Variants in CCDC152 observed in about 807,000 individuals in gnomAD.
The protein encoded by CCDC152 is coiled-coil domain-containing protein 152.
CCDC152 carries 37 observed loss-of-function variants against 38.1 expected under a neutral mutation model. The observed-to-expected ratio is 0.97, with a 90% CI of 0.75 to 1.28. CCDC152 has a LOEUF of 1.28. Among genes scored for constraint, CCDC152 ranks in the 50% most tolerant of loss-of-function variants. The pLI, the probability that CCDC152 is intolerant of heterozygous loss-of-function variation, is 0.00. For synonymous variants in CCDC152, 83 were observed against 87.1 expected (o/e 0.95, Z 0.26); for missense variants, 259 against 292.1 (o/e 0.89, Z 0.83).
chr5:42,801,012 AAT>A lies in CCDC152; in HGVS notation c.*1232_*1233del. On this transcript the variant is annotated 3_prime_UTR_variant, in exon 9 of 9. Coordinates refer to ENST00000361970, the MANE Select transcript of CCDC152 (RefSeq NM_001134848.2). The stretch of plus-strand genomic sequence containing the variant: ...TGAATCTGTGGGCAATTTACAGAGT[AAT>A]TGATTTATACATCTCTTTCGACAGA... 6.2e-7 allele frequency: 1 copy of A among 1,614,156 alleles called. No individual in the cohort carries two copies. Among genetic ancestry groups the A allele is most frequent in the South Asian group, 1.1e-5 (1 of 91,082 alleles).
At chr5:42,779,610 T>C (rs566075086) in intron 5 of CCDC152, 88 bp downstream of exon 5, 2 of 742,216 alleles carry the variant, frequency 2.7e-6, no homozygotes, top group East Asian at 5.6e-5. Flanking sequence ...TTTAAATTAA[T>C]AAACACAGCC....
chr5:42,781,361 C>A (rs1477548700), intron 5 of CCDC152, among the ~76,000 whole-genome samples: 2 of 152,036 alleles, frequency 1.3e-5, no homozygotes, highest in Admixed American at 6.6e-5. Flanking sequence ...AGTTGCCTGG[C>A]AGGATAAGTA....
At chr5:42,767,737 T>C (rs767240317) in intron 3 of CCDC152, among the ~76,000 whole-genome samples, 4 of 152,216 alleles carry the variant, frequency 2.6e-5, no homozygotes, top group Non-Finnish European at 5.9e-5. Flanking sequence ...TTTTGAAACA[T>C]TCAGTTGCAG....
rs1759877094 is a variant in CCDC152 at position 42,783,560 on chromosome 5, G to A, written c.414G>A (p.Gln138=). 5.1e-6 allele frequency: 7 copies of A among 1,375,930 alleles called. 1 individual carries two copies. The Admixed American group carries it at 2.1e-4, about 40-fold the overall frequency. 85.2% of individuals were successfully genotyped at this position (1,375,930 alleles called of 1,614,324 possible). Residue 138 remains glutamine, a synonymous_variant, in exon 6 of 9, where the codon CAG becomes CAA. Transcript: ENST00000361970. ...AGAAAGAAATAAGCAAACTTTATCA[G>A]GACATGCAGAGAAAAGGTAAGTTTA... The part of the protein sequence containing the change: ...GYKKEISKLY[Q]DMQRKVELNE...
chr5:42,757,890 A>AT (rs1424595781), intron 1 of CCDC152, among the ~76,000 whole-genome samples: 1 of 152,130 alleles, frequency 6.6e-6, no homozygotes, highest in East Asian at 1.9e-4. Flanking sequence ...CAAAAAAAAA[A>AT]GGTGGGGGTG....
intron 6 of CCDC152, among the ~76,000 whole-genome samples, chr5:42,793,790 G>T (rs1003527738): frequency 5.3e-5 from 8 of 152,094 alleles, no homozygotes; most frequent in Non-Finnish European, 1.2e-4. Flanking sequence ...TGTATTTTTA[G>T]TAGAGACAGG....
chr5:42,797,621 G>A (rs114153630), intron 7 of CCDC152, among the ~76,000 whole-genome samples: 1 of 152,226 alleles, frequency 6.6e-6, no homozygotes, highest in African/African-American at 2.4e-5. Flanking sequence ...AGCATGGGAA[G>A]AATGTTTCTA....
At chr5:42,797,468 A>T (rs146840213) in intron 7 of CCDC152, among the ~76,000 whole-genome samples, 4 of 152,214 alleles carry the variant, frequency 2.6e-5, no homozygotes, top group Admixed American at 2.6e-4. Flanking sequence ...TCTTTAGTGT[A>T]TCTAATTGGC....
chr5:42,789,418 G>A lies in CCDC152; in HGVS notation c.430+5842G>A, dbSNP rs538735650. Among the ~76,000 whole-genome samples, 22 of 152,148 alleles carry A rather than the reference G, an allele frequency of 1.4e-4. No homozygotes were observed. In the East Asian group the frequency reaches 2.3e-3, roughly 16 times the overall value. On this transcript the variant is annotated intron_variant, in intron 6 of 8. Transcript: ENST00000361970. ...CAGCCATGTTGGCCAGGGTGGTCTC[G>A]AATTCCCAACCTCAAGTAATCCACC...
At position 42,801,395 on chromosome 5, in the gene CCDC152, T is replaced by C; in HGVS notation, c.*1614T>C. The C allele has an allele frequency of 8.1e-7, 1 of 1,228,144 alleles. No individual in the cohort carries two copies. Among genetic ancestry groups the C allele is most frequent in the Non-Finnish European group, 1.1e-6 (1 of 881,784 alleles). 76.1% of individuals were successfully genotyped at this position (1,228,144 alleles called of 1,614,324 possible). A position where few individuals can be genotyped will look rare whatever the true frequency, so the allele number is the denominator to read the frequency against. On this transcript the variant is annotated 3_prime_UTR_variant, in exon 9 of 9. Coordinates refer to ENST00000361970, the MANE Select transcript of CCDC152 (RefSeq NM_001134848.2). ...AGAGATAGGAATAATGCGTGAAAAA[T>C]GATTTGTAGAGCTAACATGTGAAAT...
rs28919921 is a variant in CCDC152 at position 42,801,411 on chromosome 5, CAT to C, written c.*1631_*1632del. On this transcript the variant is annotated 3_prime_UTR_variant, in exon 9 of 9. Coordinates refer to ENST00000361970, the MANE Select transcript of CCDC152 (RefSeq NM_001134848.2). ...CGTGAAAAATGATTTGTAGAGCTAA[CAT>C]GTGAAATTCCAACTAGTTAATTAGA... 3,239 of 1,087,322 alleles carry C rather than the reference CAT, an allele frequency of 3.0e-3. 7 individuals are homozygous for C. The highest frequency in any genetic ancestry group is 3.8e-3 in the Non-Finnish European group (2,920 of 758,452). The allele number at this position is 1,087,322 out of a possible 1,614,324, so 67.4% of individuals were successfully genotyped here.
At chr5:42,781,553 GCGCA>G (rs796303901) in intron 5 of CCDC152, among the ~76,000 whole-genome samples, 3,103 of 125,786 alleles carry the variant, frequency 0.025, 39 homozygotes, top group Middle Eastern at 0.069. Context: ...ATGCGCGCGC[GCGCA>G]CACACACACA....
At chr5:42,763,239 A>G (rs1292314212) in intron 3 of CCDC152, among the ~76,000 whole-genome samples, 1 of 152,248 alleles carries the variant, frequency 6.6e-6, no homozygotes, top group African/African-American at 2.4e-5. Flanking sequence ...AAGCCAACTG[A>G]AAGAGCCGAA....
At chr5:42,762,586 G>T (rs1449856918) in intron 3 of CCDC152, 38 bp downstream of exon 3, 22 of 1,093,456 alleles carry the variant, frequency 2.0e-5, no homozygotes, top group Non-Finnish European at 2.7e-5. Flanking sequence ...TAATTCTAAT[G>T]AAAGTGTTTT....
Position 42,758,986 on chromosome 5 carries a change from C to T in CCDC152, c.-2-134C>T, listed in dbSNP as rs541864796. On this transcript the variant is annotated intron_variant, in intron 1 of 8. Transcript: ENST00000361970. Reference sequence around the variant, plus strand: ...TAATATTGGTTATAACAAAAATTCTCGCAGTGCAATGGAGCCCAAGTAGGT... The same window carrying T: ...TAATATTGGTTATAACAAAAATTCTTGCAGTGCAATGGAGCCCAAGTAGGT... 3.1e-5 allele frequency: 17 copies of T among 545,470 alleles called. No homozygotes were observed. The South Asian group carries it at 5.9e-4, about 19-fold the overall frequency. The allele number at this position is 545,470 out of a possible 1,614,324, so 33.8% of individuals were successfully genotyped here.
intron 2 of CCDC152, 35 bp from the exon 3 acceptor site, chr5:42,762,408 A>T: frequency 9.0e-7 from 1 of 1,116,018 alleles, no homozygotes; most frequent in Non-Finnish European, 1.3e-6. Flanking sequence ...AGCAGCATTG[A>T]TTTGTTAATA....
chr5:42,800,105 A>T lies in CCDC152; in HGVS notation c.*324A>T, dbSNP rs935008624. 1 of 220,776 alleles carries T rather than the reference A, an allele frequency of 4.5e-6. No individual in the cohort carries two copies. Among genetic ancestry groups the T allele is most frequent in the African/African-American group, 2.3e-5 (1 of 43,092 alleles). 13.7% of individuals were successfully genotyped at this position (220,776 alleles called of 1,614,324 possible). A position where few individuals can be genotyped will look rare whatever the true frequency, so the allele number is the denominator to read the frequency against. On this transcript the variant is annotated 3_prime_UTR_variant, in exon 9 of 9. Coordinates refer to ENST00000361970, the MANE Select transcript of CCDC152 (RefSeq NM_001134848.2). ...TTAAGACAGCCACTCAAGTTTTAGAAGAGTATGATACAACATTAGAGAAAG... is the reference window on the plus strand; with the variant it reads ...TTAAGACAGCCACTCAAGTTTTAGATGAGTATGATACAACATTAGAGAAAG...
At chr5:42,798,142 AAAAT>A (rs748218983) in intron 7 of CCDC152, among the ~76,000 whole-genome samples, 15 of 152,144 alleles carry the variant, frequency 9.9e-5, no homozygotes, top group African/African-American at 3.4e-4. Flanking sequence ...CAGAACGAAA[AAAAT>A]AAATAAATAA....
chr5:42,775,778 G>A (rs1244324373), intron 4 of CCDC152, among the ~76,000 whole-genome samples: 1 of 151,996 alleles, frequency 6.6e-6, no homozygotes, highest in African/African-American at 2.4e-5. Flanking sequence ...TGACATCAAT[G>A]ACATAAGGAA....
Sources: allele counts gnomAD v4.1 joint callset (sites outside exome capture counted in the v4.1 genomes callset), GRCh38; gene constraint gnomAD v4.1.1; transcripts MANE v1.5; gene names NCBI Gene and HGNC (gene_info 2026-07-23, HGNC 2026-07-21).